ATG4C: variants seen among roughly 807,000 people sequenced by gnomAD.
The protein encoded by ATG4C is autophagy related 4C cysteine peptidase, also known as cysteine protease ATG4C.
In ATG4C, 56 loss-of-function variants were observed where a neutral mutation model predicts 57.6. That is an observed-to-expected ratio of 0.97 (90% CI 0.78 to 1.21). ATG4C has a LOEUF of 1.21. ATG4C is among the 50% of genes most tolerant of loss of function. The pLI is 0.00. For missense variants in ATG4C, 595 were observed against 529.8 expected (o/e 1.12, Z -1.21); for synonymous variants, 157 against 174.1 (o/e 0.90, Z 0.78).
At chr1:62,844,926 C>T (rs1666284045) in intron 10 of ATG4C, among the ~76,000 whole-genome samples, 1 of 151,948 alleles carries the variant, frequency 6.6e-6, no homozygotes, top group Admixed American at 6.6e-5. Context: ...TTCATTTAAA[C>T]AGCTGAATAG....
intron 3 of ATG4C, among the ~76,000 whole-genome samples, chr1:62,807,655 A>G (rs1664925375): frequency 6.6e-6 from 1 of 152,208 alleles, no homozygotes; most frequent in South Asian, 2.1e-4. Flanking sequence ...ACTCCTGACA[A>G]CTTCACGGGA....
At chr1:62,834,194 C>A in intron 8 of ATG4C, 78 bp downstream of exon 8, 1 of 1,370,072 alleles carries the variant, frequency 7.3e-7, no homozygotes, top group Non-Finnish European at 1.0e-6. Context: ...CATCTGGAAA[C>A]AGGATGATTA....
chr1:62,784,207 G>C lies in ATG4C; in HGVS notation c.-135G>C, dbSNP rs1228494283. The C allele has an allele frequency of 6.5e-6, 1 of 153,220 alleles. No homozygotes were observed. Among genetic ancestry groups the C allele is most frequent in the Non-Finnish European group, 1.5e-5 (1 of 68,634 alleles). The allele number at this position is 153,220 out of a possible 1,614,324, so 9.5% of individuals were successfully genotyped here. On this transcript the variant is annotated 5_prime_UTR_variant, in exon 1 of 11. Transcript: ENST00000317868. The stretch of plus-strand genomic sequence containing the variant: ...GCTGGTTTTGTGGCGGCTGCTGCTA[G>C]AGCTGGAGCATTTGCCGGGTTGGTG...
intron 1 of ATG4C, among the ~76,000 whole-genome samples, chr1:62,792,609 T>TA (rs1491143945): frequency 1.3e-5 from 2 of 152,248 alleles, no homozygotes; most frequent in African/African-American, 4.8e-5. Flanking sequence ...ATGGATACTC[T>TA]AAAACAGTTA....
intron 6 of ATG4C, among the ~76,000 whole-genome samples, chr1:62,827,453 A>C (rs558459198): frequency 6.6e-6 from 1 of 152,184 alleles, no homozygotes; most frequent in South Asian, 2.1e-4. Context: ...ACCTTATTTT[A>C]AATTGCCTCC....
chr1:62,786,811 A>T (rs1281464885), intron 1 of ATG4C, among the ~76,000 whole-genome samples: 1 of 152,192 alleles, frequency 6.6e-6, no homozygotes, highest in Non-Finnish European at 1.5e-5. Flanking sequence ...AAATGCTATT[A>T]AAAAAGGACT....
chr1:62,812,441 T>G (rs1176002740), intron 3 of ATG4C, among the ~76,000 whole-genome samples: 2 of 152,208 alleles, frequency 1.3e-5, no homozygotes, highest in Non-Finnish European at 2.9e-5. Context: ...GTAAAATCTC[T>G]TAATAAACTA....
chr1:62,824,765 T>C (rs147000185), intron 6 of ATG4C, among the ~76,000 whole-genome samples: 30 of 151,282 alleles, frequency 2.0e-4, no homozygotes, highest in African/African-American at 4.4e-4. Context: ...ACTCCTGAGC[T>C]CAAGTGTTGC....
chr1:62,793,557 A>G (rs1664356255), intron 1 of ATG4C, among the ~76,000 whole-genome samples: 1 of 139,740 alleles, frequency 7.2e-6, no homozygotes, highest in Non-Finnish European at 1.5e-5. Flanking sequence ...GGCATTTGGC[A>G]CTGCACTCCA....
At chr1:62,789,425 T>C (rs768795475) in intron 1 of ATG4C, among the ~76,000 whole-genome samples, 1 of 152,180 alleles carries the variant, frequency 6.6e-6, no homozygotes, top group Non-Finnish European at 1.5e-5. Flanking sequence ...CAATAAGATG[T>C]TCCAGCCTCA....
Position 62,803,757 on chromosome 1 carries a change from A to G in ATG4C, c.-30A>G. ...TTAAACTCTACAGAAGAATGCAATC[A>G]AGTGATGGCTTTTCCTTTAGAATTT... On this transcript the variant is annotated 5_prime_UTR_variant, in exon 2 of 11. Transcript: ENST00000317868. The G allele has an allele frequency of 6.6e-7, 1 of 1,515,786 alleles. No homozygotes were observed. The highest frequency in any genetic ancestry group is 1.2e-5 in the South Asian group (1 of 84,178). 93.9% of individuals were successfully genotyped at this position (1,515,786 alleles called of 1,614,324 possible). A position where few individuals can be genotyped will look rare whatever the true frequency, so the allele number is the denominator to read the frequency against.
chr1:62,805,164 T>C lies in ATG4C; in HGVS notation c.77-8T>C. ...AACGTTTTCTTTTCTTTTTTTTTTT[T>C]TTGCTAGGTTGGGTGTTGAAAACAA... is the stretch of plus-strand genomic sequence containing the variant. On this transcript the variant is annotated splice_polypyrimidine_tract_variant and splice_region_variant and intron_variant, in intron 2 of 10. Transcript: ENST00000317868. The C allele has an allele frequency of 6.6e-7, 1 of 1,522,558 alleles. No homozygotes were observed. Among genetic ancestry groups the C allele is most frequent in the Admixed American group, 2.7e-5 (1 of 37,390 alleles). The allele number at this position is 1,522,558 out of a possible 1,614,324, so 94.3% of individuals were successfully genotyped here. A position where few individuals can be genotyped will look rare whatever the true frequency, so the allele number is the denominator to read the frequency against.
At chr1:62,800,422 C>T (rs1226417309) in intron 1 of ATG4C, among the ~76,000 whole-genome samples, 2 of 151,964 alleles carry the variant, frequency 1.3e-5, no homozygotes, top group African/African-American at 4.8e-5. Context: ...TTTCTAACTC[C>T]CTTCATTCCC....
intron 1 of ATG4C, among the ~76,000 whole-genome samples, chr1:62,798,964 T>C (rs1353865644): frequency 6.6e-6 from 1 of 152,132 alleles, no homozygotes; most frequent in Non-Finnish European, 1.5e-5. Context: ...TTTGAGACAG[T>C]ATCTTGTTCT....
Position 62,799,683 on chromosome 1 carries a change from TGATATA to T in ATG4C, c.-68-4033_-68-4028del, listed in dbSNP as rs1263568187. Reference sequence around the variant, plus strand: ...TATTTATGGGGTACATGAGATGTTTTGATATAGACATGAAATGTGTCATACTTACAT... The same window carrying T: ...TATTTATGGGGTACATGAGATGTTTTGACATGAAATGTGTCATACTTACAT... On this transcript the variant is annotated intron_variant, in intron 1 of 10. Coordinates refer to ENST00000317868, the MANE Select transcript of ATG4C (RefSeq NM_032852.4). Among the ~76,000 whole-genome samples the T allele has an allele frequency of 3.9e-5, 6 of 152,324 alleles. No individual in the cohort carries two copies. In the East Asian group the frequency reaches 1.2e-3, roughly 29 times the overall value.
rs114336869 is a variant in ATG4C, at chr1:62,788,694, C to A, written c.-69+4421C>A. Among the ~76,000 whole-genome samples the A allele has an allele frequency of 7.1e-3, 1,078 of 152,084 alleles. 12 individuals are homozygous for A. Among genetic ancestry groups the A allele is most frequent in the African/African-American group, 0.025 (1,025 of 41,490 alleles). ...ATGTCATTATACCATTACAAAAATA[C>A]CGAATCCAATTAAAGACATTAATTG... On this transcript the variant is annotated intron_variant, in intron 1 of 10. Transcript: ENST00000317868.
At chr1:62,829,002 A>G in intron 6 of ATG4C, 38 bp from the exon 7 acceptor site, 1 of 1,542,308 alleles carries the variant, frequency 6.5e-7, no homozygotes, top group Middle Eastern at 1.9e-4. Flanking sequence ...AATCGCTTTT[A>G]TATAAAATTT....
chr1:62,819,259 C>G lies in ATG4C; in HGVS notation c.649C>G (p.Leu217Val), dbSNP rs1665401333. ...SPLALFGLHQLIEYGKKSGKK... is the reference protein window; with the variant it reads ...SPLALFGLHQVIEYGKKSGKK... ...CTTGGCTCTTTTTGGCTTACATCAA[C>G]TAATAGAATATGGAAAGAAGTCTGG... is the stretch of plus-strand genomic sequence containing the variant. The change falls in exon 5 of 11, where the codon CTA becomes GTA. Residue 217 changes from leucine to valine, a missense_variant. Coordinates refer to ENST00000317868, the MANE Select transcript of ATG4C (RefSeq NM_032852.4). 14 of 1,613,324 alleles carry G rather than the reference C, an allele frequency of 8.7e-6. No homozygotes were observed. The highest frequency in any genetic ancestry group is 1.2e-5 in the Non-Finnish European group (14 of 1,179,648).
intron 7 of ATG4C, among the ~76,000 whole-genome samples, chr1:62,830,293 T>C (rs1665800335): frequency 1.3e-5 from 2 of 152,272 alleles, no homozygotes; most frequent in South Asian, 4.1e-4. Context: ...TGAGAAGCTG[T>C]GAACCACTTC....
Sources: allele counts gnomAD v4.1 joint callset (sites outside exome capture counted in the v4.1 genomes callset), GRCh38; gene constraint gnomAD v4.1.1; transcripts MANE v1.5; gene names NCBI Gene and HGNC (gene_info 2026-07-23, HGNC 2026-07-21).